Variants in GSE1 observed in about 807,000 individuals in gnomAD.
The protein encoded by GSE1 is genetic suppressor element 1.
GSE1 carries 32 observed loss-of-function variants against 112.6 expected under a neutral mutation model. The observed-to-expected ratio is 0.28, with a 90% CI of 0.21 to 0.38. The LOEUF (loss-of-function observed/expected upper bound fraction) is 0.38, where lower values mean the gene tolerates loss of function less well. Among genes scored for constraint, GSE1 ranks in the 10% least tolerant of loss-of-function variants. The probability of loss-of-function intolerance (pLI) is 1.00; values close to 1 mark genes in which losing one functional copy is unlikely to be tolerated. For missense variants in GSE1, 2,348 were observed against 1,699.2 expected (o/e 1.38, Z -6.71); for synonymous variants, 1,115 against 735.6 (o/e 1.52, Z -8.35).
chr16:85,213,064 A>T (rs916416797), intron 1 of GSE1, among the ~76,000 whole-genome samples: 1 of 151,992 alleles, frequency 6.6e-6, no homozygotes, highest in Non-Finnish European at 1.5e-5. Flanking sequence ...AGGTCAGGAG[A>T]TCGAGACCAT....
chr16:85,494,397 C>G (rs1379532983), intron 2 of GSE1, among the ~76,000 whole-genome samples: 1 of 152,106 alleles, frequency 6.6e-6, no homozygotes, highest in East Asian at 1.9e-4. Flanking sequence ...TCCAAAATGA[C>G]CTTATCCTTA....
intron 1 of GSE1, among the ~76,000 whole-genome samples, chr16:85,348,877 C>G (rs1039457235): frequency 6.6e-6 from 1 of 152,068 alleles, no homozygotes; most frequent in Non-Finnish European, 1.5e-5. Context: ...CTCCCTCCCT[C>G]CAGCCCCCGA....
intron 2 of GSE1, among the ~76,000 whole-genome samples, chr16:85,422,286 T>C (rs951350329): frequency 1.3e-5 from 2 of 150,414 alleles, no homozygotes; most frequent in African/African-American, 4.9e-5. Flanking sequence ...CTGCTAGGGG[T>C]GGCTGTCAGG....
intron 1 of GSE1, among the ~76,000 whole-genome samples, chr16:85,330,893 G>T (rs764843272): frequency 3.3e-5 from 5 of 152,124 alleles, no homozygotes; most frequent in Non-Finnish European, 5.9e-5. Context: ...GTCTGCTGCT[G>T]TGTGGGAATC....
rs556402178 is a variant in GSE1, at chr16:85,258,709, C to G, written c.2283+86902C>G. ...TTCCCAGATGTCCTTCCCGCCTGGT[C>G]AGTGACCGCCCAGCGGGGTCACCAT... On this transcript the variant is annotated intron_variant, in intron 1 of 2. Coordinates refer to the GSE1 transcript ENST00000637419. Among the ~76,000 whole-genome samples, 17 of 152,304 alleles carry G rather than the reference C, an allele frequency of 1.1e-4. No homozygotes were observed. The South Asian group carries it at 3.1e-3, about 28-fold the overall frequency.
At chr16:85,352,846 C>T (rs1217386596) in intron 1 of GSE1, among the ~76,000 whole-genome samples, 1 of 152,182 alleles carries the variant, frequency 6.6e-6, no homozygotes, top group Non-Finnish European at 1.5e-5. Context: ...CTTTCACTCC[C>T]AACAAGAGTC....
intron 1 of GSE1, among the ~76,000 whole-genome samples, chr16:85,625,608 C>T (rs1003467897): frequency 2.0e-5 from 3 of 152,172 alleles, no homozygotes; most frequent in Non-Finnish European, 2.9e-5. Context: ...CTGCAGAACA[C>T]GGCCTCCTTT....
At chr16:85,560,128 C>CTTTTTTTTTTTTTTTTTTTTTTTTT (rs377241566) in intron 1 of GSE1, among the ~76,000 whole-genome samples, 1 of 99,162 alleles carries the variant, frequency 1.0e-5, no homozygotes, top group Non-Finnish European at 1.9e-5. Flanking sequence ...TCTTCTTCTT[C>CTTTTTTTTTTTTTTTTTTTTTTTTT]TTTTTTTTTT....
chr16:85,565,265 G>A (rs1365495065), intron 1 of GSE1, among the ~76,000 whole-genome samples: 2 of 152,036 alleles, frequency 1.3e-5, no homozygotes, highest in Non-Finnish European at 2.9e-5. Flanking sequence ...GGTGGTGCGT[G>A]CCTGTAATCC....
intron 13 of GSE1, among the ~76,000 whole-genome samples, chr16:85,667,671 C>T (rs1248164274): frequency 6.6e-6 from 1 of 152,182 alleles, no homozygotes; most frequent in African/African-American, 2.4e-5. Flanking sequence ...CAGCCTGGGC[C>T]AACATGGCGA....
chr16:85,487,964 A>C (rs9937990), intron 2 of GSE1, among the ~76,000 whole-genome samples: 49,753 of 152,084 alleles, frequency 0.33, 10,994 homozygotes, highest in African/African-American at 0.63. Context: ...CAGTGCCACT[A>C]GTCACTCCTC....
At chr16:85,418,964 G>A (rs2048764619) in intron 2 of GSE1, among the ~76,000 whole-genome samples, 1 of 152,212 alleles carries the variant, frequency 6.6e-6, no homozygotes, top group Non-Finnish European at 1.5e-5. Context: ...GGAGGAGCAG[G>A]TTTGGGGGTG....
At chr16:85,463,024 C>T in intron 2 of GSE1, 2 of 869,794 alleles carry the variant, frequency 2.3e-6, no homozygotes, top group Non-Finnish European at 2.8e-6. Context: ...CCGCCGCGGG[C>T]CATGCTGGGC....
At chr16:85,468,910 C>CT in intron 2 of GSE1, among the ~76,000 whole-genome samples, 1 of 152,226 alleles carries the variant, frequency 6.6e-6, no homozygotes, top group Non-Finnish European at 1.5e-5. Flanking sequence ...GAAATAGTTT[C>CT]TTTGCAGGTG....
At chr16:85,438,693 G>A (rs952143742) in intron 2 of GSE1, among the ~76,000 whole-genome samples, 3 of 152,190 alleles carry the variant, frequency 2.0e-5, no homozygotes, top group Non-Finnish European at 4.4e-5. Context: ...TTTTTTGAAT[G>A]ACTGCTTGAG....
At chr16:85,535,474 G>A (rs1052989325) in intron 2 of GSE1, among the ~76,000 whole-genome samples, 2 of 152,214 alleles carry the variant, frequency 1.3e-5, no homozygotes, top group African/African-American at 4.8e-5. Flanking sequence ...TGTGTGACCC[G>A]GGAGCTTTTC....
chr16:85,524,102 C>G lies in GSE1; in HGVS notation c.2465-109812C>G, dbSNP rs901917012. ...CCCTCATCCCTCTGACTTCCGGGGC[C>G]CAGGTCTGGGGGCCGGTGGGGTGCA... On this transcript the variant is annotated intron_variant, in intron 2 of 2. Transcript: ENST00000637419. 3.3e-5 allele frequency among the ~76,000 whole-genome samples: 5 copies of G among 152,292 alleles called. No homozygotes were observed. In the South Asian group the frequency reaches 1.0e-3, roughly 32 times the overall value.
chr16:85,473,130 C>T (rs1430701559), intron 2 of GSE1, among the ~76,000 whole-genome samples: 5 of 152,264 alleles, frequency 3.3e-5, no homozygotes, highest in African/African-American at 7.2e-5. Context: ...GGGAGGGCCA[C>T]GCAGAAACTG....
At chr16:85,315,929 A>T (rs8052618) in intron 1 of GSE1, among the ~76,000 whole-genome samples, 5 of 151,558 alleles carry the variant, frequency 3.3e-5, no homozygotes, top group African/African-American at 7.3e-5. Flanking sequence ...CCCTAGTGGG[A>T]GGGGGGGTGA....
Sources: allele counts gnomAD v4.1 joint callset (sites outside exome capture counted in the v4.1 genomes callset), GRCh38; gene constraint gnomAD v4.1.1; transcripts MANE v1.5; gene names NCBI Gene and HGNC (gene_info 2026-07-23, HGNC 2026-07-21).